CABIN1: variants seen among roughly 807,000 people sequenced by gnomAD.
The protein encoded by CABIN1 is calcineurin-binding protein cabin-1.
Under a neutral mutation model 227.7 loss-of-function variants are expected in CABIN1, and 133 were observed. The observed-to-expected ratio is 0.58, with a 90% CI of 0.51 to 0.67. The LOEUF (loss-of-function observed/expected upper bound fraction) is 0.67, where lower values mean the gene tolerates loss of function less well. Among genes scored for constraint, CABIN1 ranks in the 30% least tolerant of loss-of-function variants. The pLI is 0.00. For missense variants in CABIN1, 2,408 were observed against 2,852.5 expected, an observed-to-expected ratio of 0.84 and a Z score of 3.55; for synonymous variants, 1,086 against 1,155.1, an observed-to-expected ratio of 0.94 and a Z score of 1.21.
In CABIN1 at chr22:24,166,649, G is replaced by T; in HGVS notation, c.5018G>T (p.Arg1673Leu). The change falls in exon 32 of 37, where the codon CGC (arginine) becomes CTC (leucine). Residue 1673 changes from arginine (R) to leucine (L), a missense_variant. By Grantham distance (102) the Arg-to-Leu change is moderately radical (BLOSUM62 -2). Transcript: ENST00000263119. ...TTGGTTTCTTTGTAGGGGTCAGAAC[G>T]CCCAGGGCCCAAGGTCTGTGGCCTC... ...TLSELAEGSE[R>L]PGPKVCGLPG... 2 of 1,612,768 alleles carry T rather than the reference G, an allele frequency of 1.2e-6. No homozygotes were observed. The highest frequency in any genetic ancestry group is 1.7e-5 in the Admixed American group (1 of 60,030).
At chr22:24,097,726 T>C (rs2041977535) in intron 25 of CABIN1, among the ~76,000 whole-genome samples, 1 of 152,234 alleles carries the variant, frequency 6.6e-6, no homozygotes, top group Non-Finnish European at 1.5e-5. Flanking sequence ...AGGGTGCTTC[T>C]GAAGAAAGAC....
At position 24,072,357 on chromosome 22, in the gene CABIN1, A is replaced by G. The variant is rs1260787814; in HGVS notation, c.2479A>G (p.Ile827Val). 2 of 1,614,006 alleles carry G rather than the reference A, an allele frequency of 1.2e-6. No homozygotes were observed. Among genetic ancestry groups the G allele is most frequent in the African/African-American group, 1.3e-5 (1 of 74,904 alleles). The change falls in exon 18 of 37, where the codon ATT (isoleucine) becomes GTT (valine). Residue 827 changes from isoleucine to valine, a missense_variant. Transcript: ENST00000263119. ...GTCTCCCACCCCGCACTGTCAGGTCATTGACTGCAGCATGGCTGTGCAGGA... is the reference window on the plus strand; with the variant it reads ...GTCTCCCACCCCGCACTGTCAGGTCGTTGACTGCAGCATGGCTGTGCAGGA... ...VRLTNNLIQV[I>V]DCSMAVQEEA... is the part of the protein sequence containing the mutation.
At chr22:24,026,867 C>T (rs1368054846) in intron 1 of CABIN1, among the ~76,000 whole-genome samples, 1 of 152,182 alleles carries the variant, frequency 6.6e-6, no homozygotes, top group Non-Finnish European at 1.5e-5. Flanking sequence ...ATTCTAGTAC[C>T]TCTCTGGCCT....
intron 1 of CABIN1, among the ~76,000 whole-genome samples, chr22:24,021,975 G>A (rs138038777): frequency 4.6e-5 from 7 of 152,272 alleles, no homozygotes; most frequent in African/African-American, 1.7e-4. Context: ...GTGAGCCACC[G>A]TGCCCGGCCA....
At chr22:24,155,471 T>C (rs1033026027) in intron 29 of CABIN1, among the ~76,000 whole-genome samples, 8 of 152,046 alleles carry the variant, frequency 5.3e-5, no homozygotes, top group African/African-American at 1.9e-4. Flanking sequence ...TCTGTGGGCC[T>C]CACAGCCTAG....
At chr22:24,083,593 A>G (rs2040952584) in intron 20 of CABIN1, among the ~76,000 whole-genome samples, 1 of 152,242 alleles carries the variant, frequency 6.6e-6, no homozygotes, top group Admixed American at 6.5e-5. Flanking sequence ...CTGACATTCA[A>G]CTAATGTTGA....
At chr22:24,070,423 CT>C (rs2040002561) in intron 16 of CABIN1, among the ~76,000 whole-genome samples, 1 of 152,250 alleles carries the variant, frequency 6.6e-6, no homozygotes, top group African/African-American at 2.4e-5. Context: ...GCTGAACCCC[CT>C]CCAGAGCCCT....
At chr22:24,024,013 G>A (rs750327665) in intron 1 of CABIN1, among the ~76,000 whole-genome samples, 1 of 152,100 alleles carries the variant, frequency 6.6e-6, no homozygotes, top group South Asian at 2.1e-4. Context: ...GATTACAGAC[G>A]TGAACTACCA....
chr22:24,168,021 A>G (rs1028514607), intron 32 of CABIN1, among the ~76,000 whole-genome samples: 3 of 152,208 alleles, frequency 2.0e-5, no homozygotes, highest in South Asian at 2.1e-4. Flanking sequence ...TCCCCTAGCA[A>G]CTGAGCCTCA....
chr22:24,125,318 G>A (rs1393744187), intron 28 of CABIN1, among the ~76,000 whole-genome samples: 2 of 152,244 alleles, frequency 1.3e-5, no homozygotes, highest in Non-Finnish European at 2.9e-5. Flanking sequence ...TCTGGTGTGA[G>A]CCTGGGTAAA....
chr22:24,140,355 T>G (rs1462056175), intron 29 of CABIN1, among the ~76,000 whole-genome samples: 1 of 152,082 alleles, frequency 6.6e-6, no homozygotes, highest in Non-Finnish European at 1.5e-5. Flanking sequence ...ATGTCTTGGG[T>G]CCCACTGTTC....
intron 19 of CABIN1, among the ~76,000 whole-genome samples, chr22:24,082,913 A>C (rs1245834195): frequency 6.6e-6 from 1 of 152,242 alleles, no homozygotes; most frequent in African/African-American, 2.4e-5. Flanking sequence ...AAATGAGTGA[A>C]GTTCCCAGGA....
At chr22:24,046,342 T>C (rs2037878758) in intron 6 of CABIN1, among the ~76,000 whole-genome samples, 2 of 152,220 alleles carry the variant, frequency 1.3e-5, no homozygotes, top group Admixed American at 6.5e-5. Context: ...TATATGTCTT[T>C]TAGTGAACAT....
intron 4 of CABIN1, 75 bp downstream of exon 4, chr22:24,038,536 T>G: frequency 4.0e-6 from 4 of 1,002,218 alleles, no homozygotes; most frequent in Non-Finnish European, 4.8e-6. Flanking sequence ...CTCTGGGCCT[T>G]ACCTCTGCTC....
At chr22:24,028,141 A>G (rs1232625175) in intron 1 of CABIN1, among the ~76,000 whole-genome samples, 1 of 152,240 alleles carries the variant, frequency 6.6e-6, no homozygotes, top group Non-Finnish European at 1.5e-5. Flanking sequence ...AAAAATGTAC[A>G]TACCTTAGTT....
intron 29 of CABIN1, among the ~76,000 whole-genome samples, chr22:24,146,670 A>T (rs564573353): frequency 9.2e-5 from 14 of 152,364 alleles, no homozygotes; most frequent in East Asian, 1.9e-4. Flanking sequence ...TAGAATTTTT[A>T]AAAAAATAAT....
Position 24,171,865 on chromosome 22 carries a change from A to G in CABIN1, c.5910A>G (p.Leu1970=), listed in dbSNP as rs112443271. 1 of 1,614,038 alleles carries G rather than the reference A, an allele frequency of 6.2e-7. No individual in the cohort carries two copies. The highest frequency in any genetic ancestry group is 8.5e-7 in the Non-Finnish European group (1 of 1,180,018). ...SDAHTKPRPA[L]AAATTIITCP... Reference sequence around the variant, plus strand: ...CTCACACCAAGCCTCGCCCTGCACTAGCTGCCGCCACAACTATTATCACCT... The same window carrying G: ...CTCACACCAAGCCTCGCCCTGCACTGGCTGCCGCCACAACTATTATCACCT... The change falls in exon 34 of 37, where the codon CTA becomes CTG. Residue 1970 remains leucine, a synonymous_variant. Transcript: ENST00000263119.
At chr22:24,042,065 C>T (rs891704542) in intron 5 of CABIN1, among the ~76,000 whole-genome samples, 3 of 152,218 alleles carry the variant, frequency 2.0e-5, no homozygotes, top group Non-Finnish European at 4.4e-5. Context: ...GATCCTCCGA[C>T]CTCATGCCCC....
intron 29 of CABIN1, among the ~76,000 whole-genome samples, chr22:24,153,435 C>G (rs1013944142): frequency 6.6e-6 from 1 of 152,176 alleles, no homozygotes; most frequent in African/African-American, 2.4e-5. Context: ...AGGGTGCTGA[C>G]AGTGCCAGTA....
Sources: allele counts gnomAD v4.1 joint callset (sites outside exome capture counted in the v4.1 genomes callset), GRCh38; gene constraint gnomAD v4.1.1; transcripts MANE v1.5; gene names NCBI Gene and HGNC (gene_info 2026-07-23, HGNC 2026-07-21).